Variants in RP1 observed in about 807,000 individuals in gnomAD.
RP1 encodes the protein RP1 axonemal microtubule associated, also known as oxygen-regulated protein 1.
Under a neutral mutation model 14.8 loss-of-function variants are expected in RP1, and 16 were observed. The observed-to-expected ratio is 1.08, with a 90% CI of 0.73 to 1.65. RP1 has a LOEUF of 1.65. Among genes scored for constraint, RP1 ranks in the 40% most tolerant of loss-of-function variants. The probability of loss-of-function intolerance (pLI) is 0.00; values close to 1 mark genes in which losing one functional copy is unlikely to be tolerated. For synonymous variants in RP1, 876 were observed against 883.6 expected (o/e 0.99, Z 0.15); for missense variants, 2,631 against 2,535.0 (o/e 1.04, Z -0.81).
chr8:54,607,209 C>G (rs189413076), intron 1 of RP1, among the ~76,000 whole-genome samples: 1 of 152,266 alleles, frequency 6.6e-6, no homozygotes, highest in East Asian at 1.9e-4. Flanking sequence ...TGGTGACAAA[C>G]AGATGGGGTT....
chr8:54,728,749 T>A (rs1449903455), intron 17 of RP1, among the ~76,000 whole-genome samples: 1 of 152,192 alleles, frequency 6.6e-6, no homozygotes, highest in Non-Finnish European at 1.5e-5. Flanking sequence ...CATTATGATA[T>A]TAATTTTGTT....
chr8:54,701,389 A>ATAT, intron 13 of RP1: 1 of 1,002,790 alleles, frequency 1.0e-6, no homozygotes, highest in Non-Finnish European at 1.3e-6. Context: ...AAGTTTCCAT[A>ATAT]AAATGAAGTA....
intron 15 of RP1, among the ~76,000 whole-genome samples, chr8:54,713,979 A>C (rs1287018781): frequency 6.6e-6 from 1 of 152,236 alleles, no homozygotes; most frequent in Non-Finnish European, 1.5e-5. Context: ...AACAGATTCC[A>C]TCTTGCTTCT....
At chr8:54,706,610 T>C in exon 15 of RP1, 3 of 1,536,046 alleles carry the variant, frequency 2.0e-6, no homozygotes, top group East Asian at 4.9e-5. Flanking sequence ...GTGTGAAAAA[T>C]GCACAAATGT....
At chr8:54,726,588 C>A in intron 17 of RP1, 1 of 1,089,174 alleles carries the variant, frequency 9.2e-7, no homozygotes, top group Non-Finnish European at 1.2e-6. Flanking sequence ...TTATGTTATA[C>A]CACATGGACT....
Position 54,699,550 on chromosome 8 carries a change from A to T in RP1, c.1801A>T (p.Asn601Tyr). Reference sequence around the variant, plus strand: ...GAGGCATCTTTCTCTTGCTCTTGACAATGGCATTGTCACTGGAATGGTGTG... The same window carrying T: ...GAGGCATCTTTCTCTTGCTCTTGACTATGGCATTGTCACTGGAATGGTGTG... Residue 601 changes from asparagine to tyrosine, a missense_variant, in exon 13 of 23, where the codon AAT becomes TAT. Transcript: ENST00000636932. 2.9e-6 allele frequency: 4 copies of T among 1,391,950 alleles called. No individual in the cohort carries two copies. In the South Asian group the frequency reaches 7.1e-5, roughly 25 times the overall value. The allele number at this position is 1,391,950 out of a possible 1,614,324, so 86.2% of individuals were successfully genotyped here. A position where few individuals can be genotyped will look rare whatever the true frequency, so the allele number is the denominator to read the frequency against.
chr8:54,654,851 T>G (rs1806723325), intron 5 of RP1, among the ~76,000 whole-genome samples: 1 of 152,196 alleles, frequency 6.6e-6, no homozygotes, highest in Non-Finnish European at 1.5e-5. Flanking sequence ...CTTGCCATGT[T>G]GCCCTGGTTG....
chr8:54,783,911 A>T (rs534463241), intron 24 of RP1, among the ~76,000 whole-genome samples: 1 of 152,216 alleles, frequency 6.6e-6, no homozygotes, highest in South Asian at 2.1e-4. Flanking sequence ...TTTCTTCTTC[A>T]TTTTTTTATT....
chr8:54,697,432 G>A (rs1037913523), intron 12 of RP1, among the ~76,000 whole-genome samples: 1 of 152,118 alleles, frequency 6.6e-6, no homozygotes, highest in Admixed American at 6.6e-5. Flanking sequence ...GCGCATGCCT[G>A]TGATCCCAAC....
intron 1 of RP1, among the ~76,000 whole-genome samples, chr8:54,618,776 C>T (rs1306478497): frequency 1.3e-5 from 2 of 152,132 alleles, no homozygotes; most frequent in Non-Finnish European, 2.9e-5. Context: ...CTGCCTCAGC[C>T]TCCCGAGTAG....
At chr8:54,649,973 C>T (rs961525745) in intron 4 of RP1, among the ~76,000 whole-genome samples, 1 of 152,018 alleles carries the variant, frequency 6.6e-6, no homozygotes, top group Non-Finnish European at 1.5e-5. Flanking sequence ...TTTATAGTCA[C>T]TAAAAGGAAA....
chr8:54,706,197 T>G (rs1459126505), intron 14 of RP1, among the ~76,000 whole-genome samples: 2 of 152,194 alleles, frequency 1.3e-5, no homozygotes, highest in African/African-American at 4.8e-5. Context: ...TTTGTATCTT[T>G]TAAAAATCTC....
At chr8:54,654,320 T>C (rs1002960953) in intron 5 of RP1, among the ~76,000 whole-genome samples, 2 of 152,198 alleles carry the variant, frequency 1.3e-5, no homozygotes, top group Admixed American at 1.3e-4. Flanking sequence ...AATAATACAT[T>C]TCCATAAAAT....
At chr8:54,763,148 CTG>C (rs1453604225) in intron 22 of RP1, among the ~76,000 whole-genome samples, 2 of 152,156 alleles carry the variant, frequency 1.3e-5, no homozygotes, top group East Asian at 3.8e-4. Context: ...CCAGATTTTT[CTG>C]TGTTACCAAA....
chr8:54,843,541 C>T (rs1433746598), intron 25 of RP1, among the ~76,000 whole-genome samples: 1 of 152,176 alleles, frequency 6.6e-6, no homozygotes, highest in East Asian at 1.9e-4. Flanking sequence ...ATCTCATTTG[C>T]CATCTGTTCC....
Position 54,628,834 on chromosome 8 carries a change from C to A in RP1, c.4952C>A (p.Thr1651Asn), listed in dbSNP as rs767656344. 5 of 1,613,908 alleles carry A rather than the reference C, an allele frequency of 3.1e-6. No individual in the cohort carries two copies. In the African/African-American group the frequency reaches 6.7e-5, roughly 22 times the overall value. ...IIKPSFFPGS[T>N]RKSQVCPYNS... is the part of the protein sequence containing the mutation. ...AAACCATCTTTTTTTCCTGGGTCTA[C>A]CCGCAAATCTCAGGTTTGTCCTTAT... is the stretch of plus-strand genomic sequence containing the variant. The change falls in exon 4 of 4, where the codon ACC becomes AAC. Residue 1651 changes from threonine to asparagine, a missense_variant. Coordinates refer to ENST00000220676, the MANE Select transcript of RP1 (RefSeq NM_006269.2).
chr8:54,848,947 C>T (rs1811994536), intron 25 of RP1, among the ~76,000 whole-genome samples: 1 of 152,110 alleles, frequency 6.6e-6, no homozygotes, highest in Non-Finnish European at 1.5e-5. Context: ...TGGGGTTTCT[C>T]CACATTGGCC....
intron 1 of RP1, among the ~76,000 whole-genome samples, chr8:54,564,383 G>A (rs1007333437): frequency 1.3e-5 from 2 of 152,234 alleles, no homozygotes; most frequent in African/African-American, 4.8e-5. Context: ...CACAGTGCAA[G>A]TGTGGGCGAG....
intron 19 of RP1, among the ~76,000 whole-genome samples, chr8:54,744,383 T>C (rs574311240): frequency 2.6e-5 from 4 of 152,106 alleles, no homozygotes; most frequent in Admixed American, 1.3e-4. Flanking sequence ...GGGACATGAG[T>C]CAGAGAGCCC....
Sources: allele counts gnomAD v4.1 joint callset (sites outside exome capture counted in the v4.1 genomes callset), GRCh38; gene constraint gnomAD v4.1.1; transcripts MANE v1.5; gene names NCBI Gene and HGNC (gene_info 2026-07-23, HGNC 2026-07-21).